The following PCDHGA6 variants were observed in gnomAD, a reference collection of about 807,000 sequenced individuals.
PCDHGA6 encodes protocadherin gamma-A6.
In PCDHGA6, 41 loss-of-function variants were observed where a neutral mutation model predicts 60.6. The observed-to-expected ratio is 0.68, with a 90% CI of 0.53 to 0.88. The LOEUF is 0.88. PCDHGA6 is among the 40% of genes least tolerant of loss of function. The pLI is 0.00. For synonymous variants in PCDHGA6, 594 were observed against 524.4 expected (o/e 1.13, Z -1.81); for missense variants, 1,312 against 1,203.0 (o/e 1.09, Z -1.34).
In PCDHGA6 at chr5:141,409,436, C is replaced by T. The variant is rs368696166; in HGVS notation, c.2424+32929C>T. Reference sequence around the variant, plus strand: ...ACTGGTGACAGATGGAGCCCTGGACCGAGAGCAGACACCAGAATACAATGT... The same window carrying T: ...ACTGGTGACAGATGGAGCCCTGGACTGAGAGCAGACACCAGAATACAATGT... On this transcript the variant is annotated intron_variant, in intron 1 of 3. Transcript: ENST00000517434. 6 of 1,613,864 alleles carry T rather than the reference C, an allele frequency of 3.7e-6. 1 individual carries two copies. The highest frequency in any genetic ancestry group is 5.1e-6 in the Non-Finnish European group (6 of 1,179,900).
intron 1 of PCDHGA6, among the ~76,000 whole-genome samples, chr5:141,464,886 A>T (rs541933775): frequency 5.2e-4 from 79 of 152,156 alleles, no homozygotes; most frequent in African/African-American, 1.9e-3. Flanking sequence ...CTACAGATGG[A>T]TGCCACCATG....
In PCDHGA6 at chr5:141,375,305, G is replaced by A; in HGVS notation, c.1222G>A (p.Ala408Thr). 1 of 1,613,812 alleles carries A rather than the reference G, an allele frequency of 6.2e-7. No homozygotes were observed. Among genetic ancestry groups the A allele is most frequent in the African/African-American group, 1.3e-5 (1 of 75,030 alleles). The change falls in exon 1 of 4, where the codon GCA becomes ACA. Residue 408 changes from alanine to threonine, a missense_variant. By Grantham distance (58) the Ala-to-Thr change is moderately conservative. Coordinates refer to ENST00000517434, the MANE Select transcript of PCDHGA6 (RefSeq NM_018919.3). Reference protein sequence around the residue: ...VGNYYRLVTNAALDREEVFLY... With the variant: ...VGNYYRLVTNTALDREEVFLY... ...CAATTATTATCGATTAGTGACAAAT[G>A]CAGCTCTAGACCGGGAAGAGGTATT... is the stretch of plus-strand genomic sequence containing the variant.
rs772043134 is a variant in PCDHGA6, at chr5:141,432,746, G to A, written c.2424+56239G>A. 1.2e-6 allele frequency: 2 copies of A among 1,614,098 alleles called. No homozygotes were observed. Among genetic ancestry groups the A allele is most frequent in the East Asian group, 4.5e-5 (2 of 44,860 alleles). On this transcript the variant is annotated intron_variant, in intron 1 of 3. Coordinates refer to ENST00000517434, the MANE Select transcript of PCDHGA6 (RefSeq NM_018919.3). The surrounding 1 kb of genome is among the most constrained non-coding windows in gnomAD (Gnocchi z 6.0). ...CTCCGCCACTGTCACGCTCACCGTGGCCGTGGCCGACAGCATCCCCCAAGT... is the reference window on the plus strand; with the variant it reads ...CTCCGCCACTGTCACGCTCACCGTGACCGTGGCCGACAGCATCCCCCAAGT...
At chr5:141,384,479 A>T (rs1457273587) in intron 1 of PCDHGA6, 2 of 1,614,064 alleles carry the variant, frequency 1.2e-6, no homozygotes, top group South Asian at 2.2e-5. Context: ...CAGTTGAGAG[A>T]ACTACAACTA....
intron 1 of PCDHGA6, chr5:141,418,786 TGAA>T: frequency 1.2e-6 from 2 of 1,613,854 alleles, no homozygotes; most frequent in Non-Finnish European, 8.5e-7. Flanking sequence ...CTTTGGATTT[TGAA>T]GAAGTAGAAA....
intron 1 of PCDHGA6, among the ~76,000 whole-genome samples, chr5:141,472,602 T>C (rs1032061805): frequency 4.6e-5 from 7 of 152,026 alleles, no homozygotes; most frequent in African/African-American, 1.4e-4. Context: ...CTTGAAATTA[T>C]AAAACAAAGA....
At chr5:141,506,910 G>C (rs1165112258) in intron 3 of PCDHGA6, among the ~76,000 whole-genome samples, 1 of 152,082 alleles carries the variant, frequency 6.6e-6, no homozygotes, top group Admixed American at 6.5e-5. Context: ...ATCACACCTG[G>C]GCACATACTA....
chr5:141,379,889 CTTTTTTTTTTTTTTTT>C (rs70988800), intron 1 of PCDHGA6, among the ~76,000 whole-genome samples: 915 of 50,904 alleles, frequency 0.018, 31 homozygotes, highest in African/African-American at 0.056. Context: ...GTGAAAGCCT[CTTTTTTTTTTTTTTTT>C]TTTTTTTTTT....
intron 1 of PCDHGA6, chr5:141,427,676 T>G: frequency 1.2e-6 from 1 of 813,766 alleles, no homozygotes; most frequent in Non-Finnish European, 2.1e-6. Flanking sequence ...AAAACAACCT[T>G]CCCGGAGCCT....
At chr5:141,429,657 A>G (rs1455808092) in intron 1 of PCDHGA6, among the ~76,000 whole-genome samples, 1 of 152,232 alleles carries the variant, frequency 6.6e-6, no homozygotes, top group African/African-American at 2.4e-5. Flanking sequence ...TTCCCAATTT[A>G]AAATATATTA....
intron 1 of PCDHGA6, among the ~76,000 whole-genome samples, chr5:141,453,357 C>T (rs1027586816): frequency 1.3e-5 from 2 of 152,002 alleles, no homozygotes; most frequent in Admixed American, 6.6e-5. Flanking sequence ...TGACCCTGAA[C>T]TCCTGGGGTC....
At position 141,487,666 on chromosome 5, in the gene PCDHGA6, C is replaced by T. The variant is rs2099657736; in HGVS notation, c.2425-7141C>T. 1 of 1,612,838 alleles carries T rather than the reference C, an allele frequency of 6.2e-7. No homozygotes were observed. Among genetic ancestry groups the T allele is most frequent in the South Asian group, 1.1e-5 (1 of 90,712 alleles). Reference sequence around the variant, plus strand: ...TGCTTGAGGGTTATTCTGATCCAGGCATATGGCTAGGCCATGTCCTAGAGA... The same window carrying T: ...TGCTTGAGGGTTATTCTGATCCAGGTATATGGCTAGGCCATGTCCTAGAGA... On this transcript the variant is annotated intron_variant, in intron 1 of 3. Coordinates refer to ENST00000517434, the MANE Select transcript of PCDHGA6 (RefSeq NM_018919.3). This position sits in a 1 kb window ranked among gnomAD's most constrained non-coding sequence, Gnocchi z 5.0.
chr5:141,401,060 T>A (rs1395651829), intron 1 of PCDHGA6, among the ~76,000 whole-genome samples: 3 of 152,216 alleles, frequency 2.0e-5, no homozygotes, highest in Non-Finnish European at 4.4e-5. Flanking sequence ...ATACTATATG[T>A]TGGCTGGGTG....
intron 1 of PCDHGA6, among the ~76,000 whole-genome samples, chr5:141,464,222 G>A (rs1189319398): frequency 2.7e-5 from 4 of 147,818 alleles, no homozygotes; most frequent in African/African-American, 7.5e-5. Flanking sequence ...CTGAGATTGC[G>A]CCACTGCACT....
chr5:141,423,185 C>T (rs996177363), intron 1 of PCDHGA6: 7 of 1,613,492 alleles, frequency 4.3e-6, no homozygotes, highest in Non-Finnish European at 5.9e-6. Context: ...CACGGCCAGC[C>T]CCCTCTCTCG....
intron 1 of PCDHGA6, chr5:141,418,077 T>C (rs770464447): frequency 6.8e-6 from 11 of 1,613,914 alleles, no homozygotes; most frequent in Non-Finnish European, 8.5e-6. Flanking sequence ...GCGGAGAAGC[T>C]GCACTTCAGC....
At chr5:141,402,796 A>C in intron 1 of PCDHGA6, 1 of 1,040,680 alleles carries the variant, frequency 9.6e-7, no homozygotes, top group South Asian at 2.0e-5. Flanking sequence ...GGCTACACAA[A>C]ACCCGGCAGA....
At chr5:141,395,389 G>A in intron 1 of PCDHGA6, 1 of 986,786 alleles carries the variant, frequency 1.0e-6, no homozygotes, top group South Asian at 1.8e-5. Context: ...CTATAAAATT[G>A]AACTCTAATA....
In PCDHGA6 at chr5:141,493,985, C is replaced by A. The variant is rs1444608753; in HGVS notation, c.2425-822C>A. On this transcript the variant is annotated intron_variant, in intron 1 of 3. Coordinates refer to ENST00000517434, the MANE Select transcript of PCDHGA6 (RefSeq NM_018919.3). This position sits in a 1 kb window ranked among gnomAD's most constrained non-coding sequence, Gnocchi z 4.3. ...GCTGGCCAGAGCCCCACACCTTCAGCTAGGTGGGAGATGGCTACACATCAG... is the reference window on the plus strand; with the variant it reads ...GCTGGCCAGAGCCCCACACCTTCAGATAGGTGGGAGATGGCTACACATCAG... Among the ~76,000 whole-genome samples the A allele has an allele frequency of 6.6e-6, 1 of 152,196 alleles. No individual in the cohort carries two copies. The highest frequency in any genetic ancestry group is 1.5e-5 in the Non-Finnish European group (1 of 68,032).
Sources: allele counts gnomAD v4.1 joint callset (sites outside exome capture counted in the v4.1 genomes callset), GRCh38; gene constraint gnomAD v4.1.1; non-coding constraint Gnocchi (gnomAD v3.1); transcripts MANE v1.5; gene names NCBI Gene and HGNC (gene_info 2026-07-23, HGNC 2026-07-21).